MKNK1: variants seen among roughly 807,000 people sequenced by gnomAD.
The protein encoded by MKNK1 is MAPK interacting serine/threonine kinase 1.
Under a neutral mutation model 49.3 loss-of-function variants are expected in MKNK1, and 30 were observed. The ratio of observed to expected loss-of-function variants is 0.61; its 90% CI spans 0.46 to 0.83. MKNK1 has a LOEUF of 0.83. Ranked by LOEUF, MKNK1 falls within the 40% of genes least tolerant of loss-of-function variation. The pLI is 0.00. For synonymous variants in MKNK1, 176 were observed against 201.7 expected, an observed-to-expected ratio of 0.87 and a Z score of 1.08; for missense variants, 423 against 524.7, an observed-to-expected ratio of 0.81 and a Z score of 1.89.
intron 6 of MKNK1, 55 bp from the exon 7 acceptor site, chr1:46,572,222 G>GTTT: frequency 3.1e-6 from 4 of 1,297,078 alleles, no homozygotes; most frequent in Non-Finnish European, 3.2e-6. Flanking sequence ...GTAAGTATAA[G>GTTT]TTTTTTTTTT....
intron 2 of MKNK1, among the ~76,000 whole-genome samples, chr1:46,586,911 G>A (rs1672656011): frequency 6.6e-6 from 1 of 152,136 alleles, no homozygotes; most frequent in Non-Finnish European, 1.5e-5. Context: ...GGGTTCAAGC[G>A]ATTCTCCTGC....
chr1:46,564,550 C>T (rs1668721274), intron 9 of MKNK1, among the ~76,000 whole-genome samples: 1 of 137,260 alleles, frequency 7.3e-6, no homozygotes, highest in Admixed American at 8.0e-5. Context: ...TATCTCGGCT[C>T]ACCGCAACCT....
At chr1:46,573,021 A>T (rs1670429419) in intron 6 of MKNK1, among the ~76,000 whole-genome samples, 1 of 152,242 alleles carries the variant, frequency 6.6e-6, no homozygotes, top group Non-Finnish European at 1.5e-5. Context: ...TACTAGTGCC[A>T]TGTGCTATGG....
intron 6 of MKNK1, among the ~76,000 whole-genome samples, chr1:46,573,495 T>C (rs556744377): frequency 5.3e-5 from 8 of 152,324 alleles, no homozygotes; most frequent in African/African-American, 1.9e-4. Context: ...CTGAAGGTAT[T>C]ATCTCTCTGT....
Position 46,568,505 on chromosome 1 carries a change from T to C in MKNK1, c.458-7A>G, listed in dbSNP as rs766031498. On this transcript the variant is annotated splice_polypyrimidine_tract_variant and splice_region_variant and intron_variant, in intron 7 of 12. Coordinates refer to ENST00000371945, the MANE Select transcript of MKNK1 (RefSeq NM_001135553.4). ...AGATCACGATGAGCAATGCCTGACATGACAAAGAGCAAAAAAATGGTTAAC... is the reference window on the plus strand; with the variant it reads ...AGATCACGATGAGCAATGCCTGACACGACAAAGAGCAAAAAAATGGTTAAC... 164 of 1,613,660 alleles carry C rather than the reference T, an allele frequency of 1.0e-4. 2 individuals are homozygous for C. In the Middle Eastern group the frequency reaches 1.2e-3, roughly 11 times the overall value.
Position 46,558,526 on chromosome 1 carries a change from G to A in MKNK1, c.*49C>T. 6.6e-7 allele frequency: 1 copy of A among 1,515,064 alleles called. No homozygotes were observed. Among genetic ancestry groups the A allele is most frequent in the East Asian group, 2.3e-5 (1 of 43,900 alleles). 93.9% of individuals were successfully genotyped at this position (1,515,064 alleles called of 1,614,324 possible). On this transcript the variant is annotated 3_prime_UTR_variant, in exon 13 of 13. Coordinates refer to ENST00000371945, the MANE Select transcript of MKNK1 (RefSeq NM_001135553.4). ...GACTTTAGCCACACAGGTTTCCAGG[G>A]GACAATGCCTGGCCAGGCCTAGGGC...
intron 2 of MKNK1, among the ~76,000 whole-genome samples, chr1:46,590,153 A>T (rs1673140243): frequency 6.6e-6 from 1 of 152,218 alleles, no homozygotes; most frequent in Non-Finnish European, 1.5e-5. Context: ...CAGCTAGCTG[A>T]GCATTCCAAA....
intron 2 of MKNK1, among the ~76,000 whole-genome samples, chr1:46,588,675 C>T (rs1219211736): frequency 1.3e-5 from 2 of 152,006 alleles, no homozygotes; most frequent in Non-Finnish European, 2.9e-5. Flanking sequence ...GGCGAGGTGG[C>T]GGGCGCCTGT....
chr1:46,591,594 T>G (rs539695086), intron 2 of MKNK1, among the ~76,000 whole-genome samples: 2 of 152,004 alleles, frequency 1.3e-5, no homozygotes, highest in Non-Finnish European at 2.9e-5. Flanking sequence ...GAGCAGCGTG[T>G]AGAAAGCTGA....
At chr1:46,581,828 T>C (rs1570230662) in intron 3 of MKNK1, among the ~76,000 whole-genome samples, 1 of 152,076 alleles carries the variant, frequency 6.6e-6, no homozygotes, top group East Asian at 1.9e-4. Flanking sequence ...AGACCTGGGT[T>C]AAAGGAACAT....
At chr1:46,583,966 G>A (rs925005124) in intron 2 of MKNK1, among the ~76,000 whole-genome samples, 1 of 152,378 alleles carries the variant, frequency 6.6e-6, no homozygotes, top group East Asian at 1.9e-4. Flanking sequence ...AGGGCTGCAG[G>A]TAGTGCCCAT....
chr1:46,564,454 GT>G (rs1218120713), intron 9 of MKNK1, among the ~76,000 whole-genome samples: 2 of 96,416 alleles, frequency 2.1e-5, no homozygotes, highest in African/African-American at 5.4e-5. Context: ...CTCAGCCTGT[GT>G]TTTTTTTATT....
At chr1:46,591,339 C>G (rs868345708) in intron 2 of MKNK1, among the ~76,000 whole-genome samples, 3 of 152,104 alleles carry the variant, frequency 2.0e-5, no homozygotes, top group Non-Finnish European at 1.5e-5. Context: ...GTGAGGCCTG[C>G]TAGGGTGCCA....
At chr1:46,598,526 CA>C (rs1194323979) in intron 1 of MKNK1, among the ~76,000 whole-genome samples, 1 of 152,120 alleles carries the variant, frequency 6.6e-6, no homozygotes, top group Non-Finnish European at 1.5e-5. Flanking sequence ...AAAACAGTAC[CA>C]AACTGGGCAT....
At chr1:46,596,081 G>A (rs1674028120) in intron 1 of MKNK1, among the ~76,000 whole-genome samples, 1 of 152,178 alleles carries the variant, frequency 6.6e-6, no homozygotes, top group South Asian at 2.1e-4. Context: ...TCTTGTCATA[G>A]GTTTAGACCC....
chr1:46,585,306 A>C, intron 2 of MKNK1, among the ~76,000 whole-genome samples: 1 of 133,128 alleles, frequency 7.5e-6, no homozygotes, highest in Admixed American at 8.2e-5. Context: ...AAAAAAAATC[A>C]GCACCTCAAC....
rs1413464945 is a variant in MKNK1 at position 46,561,337 on chromosome 1, A to G, written c.969+141T>C. ...GTAACAGGAGGAGTCGATTCACTCT[A>G]CACACTCAGGGATAGACGCTGTCCT... On this transcript the variant is annotated intron_variant, in intron 11 of 12. Coordinates refer to ENST00000371945, the MANE Select transcript of MKNK1 (RefSeq NM_001135553.4). 4 of 918,986 alleles carry G rather than the reference A, an allele frequency of 4.4e-6. No individual in the cohort carries two copies. In the East Asian group the frequency reaches 1.1e-4, roughly 25 times the overall value. The allele number at this position is 918,986 out of a possible 1,614,324, so 56.9% of individuals were successfully genotyped here. A position where few individuals can be genotyped will look rare whatever the true frequency, so the allele number is the denominator to read the frequency against.
intron 2 of MKNK1, among the ~76,000 whole-genome samples, chr1:46,586,507 T>A (rs768182036): frequency 7.9e-5 from 12 of 152,188 alleles, no homozygotes; most frequent in Non-Finnish European, 1.3e-4. Flanking sequence ...GCTGAGATTG[T>A]CCCCTGTTCA....
rs550399139 is a variant in MKNK1, at chr1:46,580,588, G to A, written c.140C>T (p.Ala47Val). The A allele has an allele frequency of 1.2e-6, 2 of 1,613,992 alleles. No homozygotes were observed. The highest frequency in any genetic ancestry group is 1.7e-6 in the Non-Finnish European group (2 of 1,179,890). The change falls in exon 4 of 13, where the codon GCC (alanine) becomes GTC (valine). Residue 47 changes from alanine to valine, a missense_variant. Transcript: ENST00000371945. ...KLTSELLGEG[A>V]YAKVQGAVSL... Reference sequence around the variant, plus strand: ...CACGGCACCTTGAACTTTGGCATAGGCTCCCTCTCCAAGCAATTCAGAGGT... The same window carrying A: ...CACGGCACCTTGAACTTTGGCATAGACTCCCTCTCCAAGCAATTCAGAGGT...
Sources: allele counts gnomAD v4.1 joint callset (sites outside exome capture counted in the v4.1 genomes callset), GRCh38; gene constraint gnomAD v4.1.1; transcripts MANE v1.5; gene names NCBI Gene and HGNC (gene_info 2026-07-23, HGNC 2026-07-21).